The following ELP4 variants were observed in gnomAD, a reference collection of about 807,000 sequenced individuals.
ELP4 encodes elongator acetyltransferase complex subunit 4.
In ELP4, 51 loss-of-function variants were observed where a neutral mutation model predicts 48.9. That is an observed-to-expected ratio of 1.04 (90% CI 0.83 to 1.32). The LOEUF is 1.32. ELP4 is among the 40% of genes most tolerant of loss of function. The pLI, the probability that ELP4 is intolerant of heterozygous loss-of-function variation, is 0.00. For missense variants in ELP4, 519 were observed against 514.6 expected, an observed-to-expected ratio of 1.01 and a Z score of -0.08; for synonymous variants, 210 against 189.2, an observed-to-expected ratio of 1.11 and a Z score of -0.90.
rs1462097159 is a variant in ELP4, at chr11:31,786,517, C to T, written c.*2993C>T. On this transcript the variant is annotated 3_prime_UTR_variant, in exon 10 of 10. Transcript: ENST00000640961. Reference sequence around the variant, plus strand: ...AGAATATATATTTCGCCTTGGTGAGCCAAACATACAGAGAAGAAAAGGCTT... The same window carrying T: ...AGAATATATATTTCGCCTTGGTGAGTCAAACATACAGAGAAGAAAAGGCTT... The T allele has an allele frequency of 2.7e-5, 6 of 224,070 alleles. No individual in the cohort carries two copies. Among genetic ancestry groups the T allele is most frequent in the Admixed American group, 1.1e-4 (2 of 17,458 alleles). The allele number at this position is 224,070 out of a possible 1,614,324, so 13.9% of individuals were successfully genotyped here.
At chr11:31,662,674 G>A (rs1410066567) in intron 9 of ELP4, 1 of 397,146 alleles carries the variant, frequency 2.5e-6, no homozygotes, top group Non-Finnish European at 4.4e-6. Context: ...TGTCAATTTG[G>A]TGATAATGAT....
At chr11:31,694,427 C>T (rs1946353525) in intron 9 of ELP4, among the ~76,000 whole-genome samples, 1 of 152,132 alleles carries the variant, frequency 6.6e-6, no homozygotes, top group South Asian at 2.1e-4. Context: ...GGAATCCTTT[C>T]CCCATTTCTT....
At chr11:31,620,548 A>G (rs1046309258) in intron 5 of ELP4, among the ~76,000 whole-genome samples, 1 of 151,990 alleles carries the variant, frequency 6.6e-6, no homozygotes, top group Non-Finnish European at 1.5e-5. Context: ...CTTAAATAGA[A>G]TGGAGATAAG....
At chr11:31,567,293 T>C (rs1957128976) in intron 3 of ELP4, among the ~76,000 whole-genome samples, 1 of 152,194 alleles carries the variant, frequency 6.6e-6, no homozygotes, top group East Asian at 1.9e-4. Flanking sequence ...AACATTGACA[T>C]CCATCCTGCA....
intron 3 of ELP4, among the ~76,000 whole-genome samples, chr11:31,559,905 TAA>T (rs11399608): frequency 9.9e-5 from 13 of 131,394 alleles, no homozygotes; most frequent in Admixed American, 7.8e-5. Context: ...AAACTCCGTC[TAA>T]AAAAAAAAAA....
At chr11:31,594,227 A>C (rs1957635618) in intron 3 of ELP4, among the ~76,000 whole-genome samples, 1 of 152,174 alleles carries the variant, frequency 6.6e-6, no homozygotes, top group Non-Finnish European at 1.5e-5. Context: ...TCATTTAATC[A>C]GAGATTATTG....
At chr11:31,736,382 A>G (rs1013746808) in intron 9 of ELP4, among the ~76,000 whole-genome samples, 1 of 152,216 alleles carries the variant, frequency 6.6e-6, no homozygotes, top group Non-Finnish European at 1.5e-5. Flanking sequence ...CCTAGAAAAA[A>G]ACCTAGGTAA....
At chr11:31,644,370 A>T (rs1056133906) in intron 7 of ELP4, among the ~76,000 whole-genome samples, 3 of 151,872 alleles carry the variant, frequency 2.0e-5, no homozygotes, top group Admixed American at 6.6e-5. Flanking sequence ...ATTGACGTAC[A>T]AATGCCTCTA....
At position 31,509,853 on chromosome 11, in the gene ELP4, G is replaced by A. The variant is rs369031752; in HGVS notation, c.69G>A (p.Lys23=). The change falls in exon 1 of 10, where the codon AAG becomes AAA. Residue 23 remains lysine, a synonymous_variant. Transcript: ENST00000640961. ...STGSAVATAS[K]SNVTSFQRRG... The stretch of plus-strand genomic sequence containing the variant: ...GGTCTGCAGTGGCGACAGCCAGCAA[G>A]AGCAACGTCACCAGTTTCCAGAGGA... 1.2e-6 allele frequency: 2 copies of A among 1,614,086 alleles called. No homozygotes were observed. The highest frequency in any genetic ancestry group is 2.7e-5 in the African/African-American group (2 of 74,952).
At chr11:31,636,934 G>T (rs893142865) in intron 7 of ELP4, among the ~76,000 whole-genome samples, 2 of 151,848 alleles carry the variant, frequency 1.3e-5, no homozygotes, top group Non-Finnish European at 2.9e-5. Context: ...TCCCTTTGAA[G>T]TAATATTATT....
At chr11:31,774,984 A>G (rs1375191051) in intron 9 of ELP4, among the ~76,000 whole-genome samples, 1 of 152,200 alleles carries the variant, frequency 6.6e-6, no homozygotes, top group African/African-American at 2.4e-5. Flanking sequence ...CTCCTCAGCA[A>G]ATAGCTTCCA....
At chr11:31,612,759 CAG>C (rs1318900205) in intron 5 of ELP4, among the ~76,000 whole-genome samples, 3 of 152,036 alleles carry the variant, frequency 2.0e-5, no homozygotes, top group Admixed American at 6.6e-5. Flanking sequence ...AAGCCAGGTG[CAG>C]AGTCTTCAGT....
At chr11:31,613,610 A>G (rs551312543) in intron 5 of ELP4, among the ~76,000 whole-genome samples, 2 of 152,054 alleles carry the variant, frequency 1.3e-5, no homozygotes, top group South Asian at 4.2e-4. Context: ...ATATTCACCA[A>G]ACTGTTAACA....
At chr11:31,774,009 T>A (rs1230176588) in intron 9 of ELP4, among the ~76,000 whole-genome samples, 1 of 152,058 alleles carries the variant, frequency 6.6e-6, no homozygotes, top group African/African-American at 2.4e-5. Context: ...CGAAACCCTA[T>A]CTTTACAAAA....
intron 2 of ELP4, among the ~76,000 whole-genome samples, chr11:31,530,156 C>T (rs1956370069): frequency 6.6e-6 from 1 of 152,126 alleles, no homozygotes. Flanking sequence ...AGTCACAAGC[C>T]TTAGTGGAAA....
chr11:31,520,216 AG>A (rs1565033069), intron 2 of ELP4, 125 bp downstream of exon 2: 6 of 764,436 alleles, frequency 7.8e-6, no homozygotes, highest in Non-Finnish European at 1.2e-5. Context: ...GATAAATTAG[AG>A]AGGAATTGAC....
chr11:31,550,982 T>A (rs928656153), intron 3 of ELP4, among the ~76,000 whole-genome samples: 1 of 152,198 alleles, frequency 6.6e-6, no homozygotes, highest in Non-Finnish European at 1.5e-5. Flanking sequence ...ATCATACTGG[T>A]AAAACCGTGT....
chr11:31,729,189 G>C (rs750743807), intron 9 of ELP4, among the ~76,000 whole-genome samples: 2 of 152,094 alleles, frequency 1.3e-5, no homozygotes, highest in African/African-American at 4.8e-5. Context: ...AAAGTTATAC[G>C]TGTAGTATAT....
chr11:31,564,391 T>A (rs1009920452), intron 3 of ELP4, among the ~76,000 whole-genome samples: 2 of 151,886 alleles, frequency 1.3e-5, no homozygotes, highest in African/African-American at 4.8e-5. Flanking sequence ...TTTTTTTTTT[T>A]AATTATACTT....
Sources: allele counts gnomAD v4.1 joint callset (sites outside exome capture counted in the v4.1 genomes callset), GRCh38; gene constraint gnomAD v4.1.1; transcripts MANE v1.5; gene names NCBI Gene and HGNC (gene_info 2026-07-23, HGNC 2026-07-21).